Variants in ROBO2 observed in about 807,000 individuals in gnomAD.
ROBO2 encodes roundabout guidance receptor 2.
Under a neutral mutation model 160.8 loss-of-function variants are expected in ROBO2, and 53 were observed. The ratio of observed to expected loss-of-function variants is 0.33; its 90% CI spans 0.26 to 0.41. The LOEUF is 0.41. Among genes scored for constraint, ROBO2 ranks in the 10% least tolerant of loss-of-function variants. The probability of loss-of-function intolerance (pLI) is 1.00; values close to 1 mark genes in which losing one functional copy is unlikely to be tolerated. For synonymous variants in ROBO2, 664 were observed against 611.7 expected (o/e 1.09, Z -1.26); for missense variants, 1,577 against 1,722.4 (o/e 0.92, Z 1.49).
At chr3:76,263,333 C>T (rs759512192) in intron 2 of ROBO2, among the ~76,000 whole-genome samples, 3 of 152,086 alleles carry the variant, frequency 2.0e-5, no homozygotes, top group African/African-American at 7.2e-5. Context: ...TGGGCTCAGG[C>T]GATGCACCTT....
chr3:76,354,182 C>A (rs1038249082), intron 2 of ROBO2, among the ~76,000 whole-genome samples: 1 of 151,852 alleles, frequency 6.6e-6, no homozygotes, highest in African/African-American at 2.4e-5. Flanking sequence ...AAATACTTGA[C>A]AAAAACTGAG....
At chr3:76,115,324 C>A (rs978368929) in intron 2 of ROBO2, among the ~76,000 whole-genome samples, 3 of 152,104 alleles carry the variant, frequency 2.0e-5, no homozygotes, top group African/African-American at 7.2e-5. Flanking sequence ...CCAATCAGAT[C>A]CACTTTGCGT....
At chr3:76,979,457 A>G (rs2059979921) in intron 2 of ROBO2, among the ~76,000 whole-genome samples, 1 of 152,074 alleles carries the variant, frequency 6.6e-6, no homozygotes, top group African/African-American at 2.4e-5. Context: ...ATAAGTGAGT[A>G]CATGTAGTAT....
chr3:76,444,723 A>C (rs1408131872), intron 2 of ROBO2, among the ~76,000 whole-genome samples: 3 of 152,164 alleles, frequency 2.0e-5, no homozygotes, highest in African/African-American at 7.2e-5. Flanking sequence ...GTTTTTATTC[A>C]AGATGATATT....
intron 2 of ROBO2, among the ~76,000 whole-genome samples, chr3:76,113,344 T>C (rs1187949823): frequency 6.6e-6 from 1 of 151,998 alleles, no homozygotes; most frequent in African/African-American, 2.4e-5. Context: ...TGAATATTAA[T>C]TTAAAATTAA....
chr3:76,472,106 TGTGC>T (rs1407808572), intron 2 of ROBO2, among the ~76,000 whole-genome samples: 24 of 67,308 alleles, frequency 3.6e-4, no homozygotes, highest in African/African-American at 9.2e-4. Flanking sequence ...TGTGTGCGCG[TGTGC>T]GTGCGCATGT....
chr3:77,352,406 G>A (rs1204661666), intron 2 of ROBO2, among the ~76,000 whole-genome samples: 1 of 152,056 alleles, frequency 6.6e-6, no homozygotes. Flanking sequence ...CTGACATCCT[G>A]TGTCTATACA....
At chr3:77,373,295 C>T (rs1384303598) in intron 2 of ROBO2, among the ~76,000 whole-genome samples, 1 of 150,922 alleles carries the variant, frequency 6.6e-6, no homozygotes, top group Non-Finnish European at 1.5e-5. Context: ...TATTTAGTTG[C>T]ACCTTTTCTC....
At chr3:76,626,084 A>T (rs954981473) in intron 2 of ROBO2, among the ~76,000 whole-genome samples, 5 of 152,202 alleles carry the variant, frequency 3.3e-5, no homozygotes, top group African/African-American at 4.8e-5. Context: ...GATAGATCTA[A>T]TAGATCCAGA....
At chr3:76,939,018 G>A (rs919403667) in intron 2 of ROBO2, among the ~76,000 whole-genome samples, 3 of 147,928 alleles carry the variant, frequency 2.0e-5, no homozygotes, top group Non-Finnish European at 4.4e-5. Flanking sequence ...CTGTTTCTCT[G>A]GTTTCTCTGA....
chr3:76,684,461 A>G (rs2092641660), intron 2 of ROBO2, among the ~76,000 whole-genome samples: 1 of 152,106 alleles, frequency 6.6e-6, no homozygotes, highest in Non-Finnish European at 1.5e-5. Context: ...TTAAAAGGAG[A>G]AAAAGGGCAA....
intron 2 of ROBO2, among the ~76,000 whole-genome samples, chr3:76,921,169 G>A (rs148075753): frequency 1.2e-4 from 18 of 152,218 alleles, no homozygotes; most frequent in African/African-American, 2.2e-4. Context: ...ATGTCATCAC[G>A]TGAATGTATG....
intron 2 of ROBO2, among the ~76,000 whole-genome samples, chr3:76,399,452 C>T (rs1471396933): frequency 6.6e-6 from 1 of 151,774 alleles, no homozygotes; most frequent in African/African-American, 2.4e-5. Flanking sequence ...CTCCAGGAAT[C>T]TGAAACTATA....
chr3:77,465,708 T>C (rs2082697390), intron 2 of ROBO2, among the ~76,000 whole-genome samples: 1 of 152,208 alleles, frequency 6.6e-6, no homozygotes, highest in African/African-American at 2.4e-5. Context: ...AAAACACACA[T>C]ATAATTAATT....
intron 2 of ROBO2, among the ~76,000 whole-genome samples, chr3:76,103,456 C>A (rs1039029445): frequency 6.6e-6 from 1 of 152,080 alleles, no homozygotes; most frequent in Non-Finnish European, 1.5e-5. Context: ...TGCAACGCAC[C>A]CTCTGCTCAC....
chr3:76,718,731 G>T (rs752678486), intron 2 of ROBO2, among the ~76,000 whole-genome samples: 34 of 152,276 alleles, frequency 2.2e-4, no homozygotes, highest in Admixed American at 6.5e-4. Context: ...ACAGGGAGAG[G>T]TATTGAGCCT....
chr3:76,063,142 A>G lies in ROBO2; in HGVS notation c.109+125540A>G, dbSNP rs137886666. Reference sequence around the variant, plus strand: ...CCTATGTTTATGCAAGGTAACACCAACTATAGTCTTTAAAGAGGGAATGAG... The same window carrying G: ...CCTATGTTTATGCAAGGTAACACCAGCTATAGTCTTTAAAGAGGGAATGAG... On this transcript the variant is annotated intron_variant, in intron 2 of 26. Transcript: ENST00000487694. Among the ~76,000 whole-genome samples, 6 of 152,276 alleles carry G rather than the reference A, an allele frequency of 3.9e-5. 1 individual carries two copies. The highest frequency in any genetic ancestry group is 4.1e-4 in the South Asian group (2 of 4,824).
At chr3:77,396,875 A>C (rs976071841) in intron 2 of ROBO2, among the ~76,000 whole-genome samples, 6 of 152,116 alleles carry the variant, frequency 3.9e-5, no homozygotes, top group Admixed American at 6.6e-5. Context: ...TAAGTAGAAC[A>C]ATTATTGTTT....
At chr3:76,802,931 G>A (rs956244609) in intron 2 of ROBO2, among the ~76,000 whole-genome samples, 1 of 152,086 alleles carries the variant, frequency 6.6e-6, no homozygotes, top group African/African-American at 2.4e-5. Context: ...AGAACTCCAA[G>A]TCTATGATTT....
Sources: gnomAD v4.1 joint callset for allele counts (sites outside exome capture counted in the v4.1 genomes callset) on GRCh38, gnomAD v4.1.1 for gene constraint, MANE v1.5 for transcripts, NCBI Gene and HGNC (gene_info 2026-07-23, HGNC 2026-07-21) for gene names.